The following TNRC6C variants were observed in gnomAD, a reference collection of about 807,000 sequenced individuals.
TNRC6C encodes trinucleotide repeat containing adaptor 6C.
A neutral mutation model predicts 153.7 loss-of-function variants in TNRC6C; 20 were observed. That is an observed-to-expected ratio of 0.13 (90% CI 0.09 to 0.19). The LOEUF (loss-of-function observed/expected upper bound fraction) is 0.19. Ranked by LOEUF, TNRC6C falls within the 10% of genes least tolerant of loss-of-function variation. The pLI is 1.00. For synonymous variants in TNRC6C, 811 were observed against 841.4 expected (o/e 0.96, Z 0.63); for missense variants, 1,987 against 2,172.0 (o/e 0.91, Z 1.69).
chr17:78,097,894 AT>A, intron 16 of TNRC6C, 33 bp downstream of exon 19: 1 of 1,464,284 alleles, frequency 6.8e-7, no homozygotes. Context: ...TGCAGGTAGC[AT>A]TTTCTTTCTT....
intron 5 of TNRC6C, among the ~76,000 whole-genome samples, chr17:78,068,747 C>T (rs2072931550): frequency 6.6e-6 from 1 of 152,082 alleles, no homozygotes; most frequent in East Asian, 1.9e-4. Context: ...TTGCAGTGAG[C>T]CAAGATCGCC....
chr17:77,966,019 A>G (rs1006302159), intron 1 of TNRC6C, among the ~76,000 whole-genome samples: 2 of 152,240 alleles, frequency 1.3e-5, no homozygotes, highest in Non-Finnish European at 1.5e-5. Context: ...TGGTTAGGCA[A>G]GACTTCACTT....
At chr17:78,084,533 T>C (rs1362535921) in intron 11 of TNRC6C, among the ~76,000 whole-genome samples, 1 of 151,558 alleles carries the variant, frequency 6.6e-6, no homozygotes, top group African/African-American at 2.4e-5. Flanking sequence ...ATGCTATGTG[T>C]CCTCGCTTTA....
At chr17:77,972,277 C>T (rs2070945742) in intron 1 of TNRC6C, among the ~76,000 whole-genome samples, 1 of 152,088 alleles carries the variant, frequency 6.6e-6, no homozygotes, top group Non-Finnish European at 1.5e-5. Context: ...CTTTGGGAGG[C>T]CGAGGTGGGA....
At chr17:78,012,952 C>G (rs59967296) in intron 1 of TNRC6C, among the ~76,000 whole-genome samples, 6,123 of 152,186 alleles carry the variant, frequency 0.04, 381 homozygotes, top group African/African-American at 0.14. Flanking sequence ...AAGGAAAATA[C>G]TGATATGAAT....
exon 20 of TNRC6C, chr17:78,106,033 A>G (rs1249128039): frequency 2.0e-5 from 3 of 149,384 alleles, no homozygotes; most frequent in African/African-American, 7.5e-5. Flanking sequence ...CCATTTTTCC[A>G]TTTGGAATAT....
At chr17:77,995,017 A>C (rs1042115266) in intron 1 of TNRC6C, among the ~76,000 whole-genome samples, 1 of 152,250 alleles carries the variant, frequency 6.6e-6, no homozygotes, top group Non-Finnish European at 1.5e-5. Flanking sequence ...GAGAGAAACC[A>C]TACAGTTATG....
intron 17 of TNRC6C, among the ~76,000 whole-genome samples, chr17:78,099,539 T>G (rs1409811620): frequency 6.6e-6 from 1 of 152,018 alleles, no homozygotes; most frequent in Non-Finnish European, 1.5e-5. Flanking sequence ...AACCATCAGC[T>G]CTCATGAGAC....
Position 78,049,484 on chromosome 17 carries a change from A to G in TNRC6C, c.422A>G (p.Asn141Ser). The G allele has an allele frequency of 6.2e-7, 1 of 1,614,050 alleles. No homozygotes were observed. The highest frequency in any genetic ancestry group is 2.2e-5 in the East Asian group (1 of 44,890). Residue 141 changes from asparagine (N) to serine (S), a missense_variant, in exon 3 of 20, where the codon AAC becomes AGC. This residue lies in a region of TNRC6C where 1,052 missense variants were observed against 1,017.0 expected (regional missense o/e 1.03). Coordinates refer to ENST00000301624, the Ensembl canonical transcript of TNRC6C. This position sits in a 1 kb window ranked among gnomAD's most constrained non-coding sequence, Gnocchi z 4.1. ...ATAGGTCAAAATATGGGCAACCAGA[A>G]CGGGAACCCAACAGGCACTTTAGGT...
chr17:77,973,434 GA>G (rs1193572926), intron 1 of TNRC6C, among the ~76,000 whole-genome samples: 1 of 152,072 alleles, frequency 6.6e-6, no homozygotes, highest in Non-Finnish European at 1.5e-5. Context: ...CCAAAACTGG[GA>G]AAAAAAGAAT....
At chr17:77,965,953 C>T (rs543181328) in intron 1 of TNRC6C, among the ~76,000 whole-genome samples, 3 of 152,260 alleles carry the variant, frequency 2.0e-5, no homozygotes, top group Non-Finnish European at 2.9e-5. Context: ...CTGACTTTAA[C>T]AAATTCAGAA....
chr17:78,104,629 G>T lies in TNRC6C; in HGVS notation c.4857G>T (p.Ala1619=). 2 of 1,548,426 alleles carry T rather than the reference G, an allele frequency of 1.3e-6. No homozygotes were observed. Among genetic ancestry groups the T allele is most frequent in the East Asian group, 2.4e-5 (1 of 40,968 alleles). The change falls in exon 20 of 20, where the codon GCG becomes GCT. Residue 1619 remains alanine (A), a synonymous_variant. Coordinates refer to ENST00000301624, the Ensembl canonical transcript of TNRC6C. This position sits in a 1 kb window ranked among gnomAD's most constrained non-coding sequence, Gnocchi z 6.2. ...CCAGCCAGCCGCGGCTCAGCGCAGCGGGCAGCTCCCATGGCCTGGTACGCA... is the reference window on the plus strand; with the variant it reads ...CCAGCCAGCCGCGGCTCAGCGCAGCTGGCAGCTCCCATGGCCTGGTACGCA...
intron 13 of TNRC6C, 129 bp downstream of exon 15, chr17:78,087,222 A>T: frequency 9.0e-6 from 13 of 1,437,248 alleles, no homozygotes; most frequent in Non-Finnish European, 1.2e-5. Flanking sequence ...CCTGTTGGAA[A>T]TGCAGCCCCA....
In TNRC6C at chr17:77,992,391, A is replaced by G. The variant is rs1320985002; in HGVS notation, c.-37-11779A>G. Among the ~76,000 whole-genome samples, 3 of 101,748 alleles carry G rather than the reference A, an allele frequency of 2.9e-5. 1 individual carries two copies. Among genetic ancestry groups the G allele is most frequent in the African/African-American group, 1.6e-4 (3 of 18,330 alleles). The allele number at this position is 101,748 out of a possible 152,430, so 66.8% of individuals were successfully genotyped here. ...CGCGTGCCTGTAGTCCCAGCTACAC[A>G]GGAGGCTGAGGCAGGAGAATGGCGT... On this transcript the variant is annotated intron_variant, in intron 1 of 22. Coordinates refer to the TNRC6C transcript ENST00000636222.
intron 14 of TNRC6C, 101 bp from the exon 17 acceptor site, chr17:78,092,832 G>T: frequency 1.0e-6 from 1 of 952,486 alleles, no homozygotes; most frequent in Non-Finnish European, 1.6e-6. Context: ...GCAAGGCATT[G>T]GACCTAGAAC....
chr17:78,071,293 A>G (rs1309309334), intron 6 of TNRC6C, 128 bp downstream of exon 8: 2 of 914,232 alleles, frequency 2.2e-6, no homozygotes, highest in Non-Finnish European at 3.4e-6. Context: ...AGATATTGAC[A>G]TCATCTAACT....
chr17:78,001,415 G>A (rs2071410103), upstream of TNRC6C, among the ~76,000 whole-genome samples: 2 of 152,214 alleles, frequency 1.3e-5, no homozygotes, highest in South Asian at 4.1e-4. Flanking sequence ...CTCTTCAGCA[G>A]AGCTGGATAG....
chr17:78,002,208 A>G (rs140062760), upstream of TNRC6C, among the ~76,000 whole-genome samples: 2 of 152,322 alleles, frequency 1.3e-5, no homozygotes, highest in African/African-American at 2.4e-5. Flanking sequence ...TTTTCCTTAA[A>G]AGGAAAACTT....
chr17:78,093,746 A>T (rs1370995298), exon 16 of TNRC6C: 1 of 1,613,594 alleles, frequency 6.2e-7, no homozygotes, highest in East Asian at 2.2e-5. Flanking sequence ...GTCAACCGCT[A>T]CCTCCTCAAG....
Sources: gnomAD v4.1 joint callset for allele counts (sites outside exome capture counted in the v4.1 genomes callset) on GRCh38, gnomAD v4.1.1 for gene constraint, gnomAD v4.1.1 regional missense constraint, Gnocchi (gnomAD v3.1) non-coding constraint, MANE v1.5 for transcripts, NCBI Gene and HGNC (gene_info 2026-07-23, HGNC 2026-07-21) for gene names.